TAS2R1: variants seen among roughly 807,000 people sequenced by gnomAD.
The protein encoded by TAS2R1 is taste 2 receptor member 1.
For missense variants in TAS2R1, 370 were observed against 353.4 expected (o/e 1.05, Z -0.38); for synonymous variants, 141 against 134.2 (o/e 1.05, Z -0.35).
upstream of TAS2R1, among the ~76,000 whole-genome samples, chr5:9,633,294 T>TATATATATATATATATATA (rs1476544403): frequency 6.2e-4 from 42 of 67,758 alleles, no homozygotes; most frequent in East Asian, 0.01. Context: ...TGTGTGTATA[T>TATATATATATATATATATA]TATATATATA....
At chr5:9,854,381 T>G in the TAS2R1 span, 1 of 152,186 alleles carries the variant, frequency 6.6e-6, no homozygotes, top group Admixed American at 6.5e-5. Flanking sequence ...GGTCACATTC[T>G]GAGCTTCTGG....
the TAS2R1 span, among the ~76,000 whole-genome samples, chr5:9,830,987 C>A: frequency 6.6e-6 from 1 of 152,154 alleles, no homozygotes; most frequent in Non-Finnish European, 1.5e-5. Flanking sequence ...TCATCTCATG[C>A]TTGCATGTTC....
the TAS2R1 span, among the ~76,000 whole-genome samples, chr5:9,861,480 A>G: frequency 6.6e-6 from 1 of 152,210 alleles, no homozygotes; most frequent in Non-Finnish European, 1.5e-5. Context: ...TGTTCAATAA[A>G]ATAGGGTGCT....
the TAS2R1 span, among the ~76,000 whole-genome samples, chr5:9,785,163 G>A: frequency 6.6e-6 from 1 of 152,094 alleles, no homozygotes; most frequent in Non-Finnish European, 1.5e-5. Context: ...CCCACAGCCA[G>A]GTGAGTTCTG....
At chr5:9,686,334 A>G (rs1227984590) in intron 1 of TAS2R1, among the ~76,000 whole-genome samples, 1 of 151,388 alleles carries the variant, frequency 6.6e-6, no homozygotes, top group Non-Finnish European at 1.5e-5. Flanking sequence ...CCTAAACAAA[A>G]TTATTATCAC....
chr5:9,700,158 C>T (rs925147018), intron 1 of TAS2R1, among the ~76,000 whole-genome samples: 3 of 152,168 alleles, frequency 2.0e-5, no homozygotes, highest in African/African-American at 4.8e-5. Context: ...CTCATCCATT[C>T]CACCACTGTC....
At chr5:9,633,559 C>A (rs1329670181), upstream of TAS2R1, among the ~76,000 whole-genome samples, 2 of 151,664 alleles carry the variant, frequency 1.3e-5, no homozygotes, top group African/African-American at 4.8e-5. Flanking sequence ...GTTTACATTC[C>A]CACCAGCAGT....
chr5:9,701,388 T>A (rs1741481870), intron 1 of TAS2R1, among the ~76,000 whole-genome samples: 1 of 152,134 alleles, frequency 6.6e-6, no homozygotes, highest in South Asian at 2.1e-4. Flanking sequence ...CTAGGTTGAG[T>A]AACTTTCAGT....
the TAS2R1 span, among the ~76,000 whole-genome samples, chr5:9,756,125 G>T: frequency 6.6e-6 from 1 of 152,102 alleles, no homozygotes; most frequent in African/African-American, 2.4e-5. Flanking sequence ...CATCAGTTTG[G>T]AAGTTTGTAC....
the TAS2R1 span, among the ~76,000 whole-genome samples, chr5:9,757,260 T>A: frequency 1.3e-5 from 2 of 152,316 alleles, no homozygotes; most frequent in South Asian, 4.1e-4. Flanking sequence ...GTGGAACAAA[T>A]TGACTTTTAT....
At chr5:9,661,458 G>A (rs747266581) in intron 1 of TAS2R1, among the ~76,000 whole-genome samples, 4 of 152,124 alleles carry the variant, frequency 2.6e-5, no homozygotes, top group Admixed American at 6.5e-5. Context: ...TTTCAATCAC[G>A]TCTGGCACCG....
the TAS2R1 span, among the ~76,000 whole-genome samples, chr5:9,772,848 A>C: frequency 6.6e-6 from 1 of 152,218 alleles, no homozygotes; most frequent in East Asian, 1.9e-4. Context: ...TGCATGGAAT[A>C]TCTTTTTCCA....
At chr5:9,762,567 T>C in the TAS2R1 span, among the ~76,000 whole-genome samples, 1 of 152,188 alleles carries the variant, frequency 6.6e-6, no homozygotes, top group Non-Finnish European at 1.5e-5. Context: ...CCCGGTAAAT[T>C]GTCTTCGGAA....
At chr5:9,789,410 T>C in the TAS2R1 span, among the ~76,000 whole-genome samples, 1 of 152,314 alleles carries the variant, frequency 6.6e-6, no homozygotes, top group African/African-American at 2.4e-5. Context: ...TAAATCAACA[T>C]GCTTGAAAAA....
At chr5:9,773,429 A>G in the TAS2R1 span, among the ~76,000 whole-genome samples, 1 of 152,096 alleles carries the variant, frequency 6.6e-6, no homozygotes, top group East Asian at 1.9e-4. Context: ...TGTAGTCTTT[A>G]TATTTAAGAT....
At chr5:9,832,933 A>G in the TAS2R1 span, among the ~76,000 whole-genome samples, 1 of 152,168 alleles carries the variant, frequency 6.6e-6, no homozygotes, top group African/African-American at 2.4e-5. Context: ...GCTTGCTTTT[A>G]TACATTTTAG....
chr5:9,892,209 A>G, the TAS2R1 span, among the ~76,000 whole-genome samples: 1 of 152,166 alleles, frequency 6.6e-6, no homozygotes, highest in African/African-American at 2.4e-5. Context: ...CCTAGATATC[A>G]AAGCAGAAGG....
the TAS2R1 span, among the ~76,000 whole-genome samples, chr5:9,771,673 T>C: frequency 6.6e-6 from 1 of 152,096 alleles, no homozygotes; most frequent in Non-Finnish European, 1.5e-5. Flanking sequence ...CTTTTTATTA[T>C]GGCTCCTATC....
the TAS2R1 span, among the ~76,000 whole-genome samples, chr5:9,883,769 G>A: frequency 9.1e-3 from 1,385 of 152,272 alleles, 19 homozygotes; most frequent in African/African-American, 0.032. Flanking sequence ...GGGTCCAGTG[G>A]CCAGCTCTGA....
Sources: allele counts gnomAD v4.1 joint callset (sites outside exome capture counted in the v4.1 genomes callset), GRCh38; gene constraint gnomAD v4.1.1; transcripts MANE v1.5; gene names NCBI Gene and HGNC (gene_info 2026-07-23, HGNC 2026-07-21).